The following AKAP3 variants were observed in gnomAD, a reference collection of about 807,000 sequenced individuals.
AKAP3 encodes A-kinase anchoring protein 3.
Under a neutral mutation model 57.2 loss-of-function variants are expected in AKAP3, and 27 were observed. The ratio of observed to expected loss-of-function variants is 0.47; its 90% CI spans 0.35 to 0.65. The LOEUF (loss-of-function observed/expected upper bound fraction) is 0.65. Ranked by LOEUF, AKAP3 falls within the 30% of genes least tolerant of loss-of-function variation. The pLI, the probability that AKAP3 is intolerant of heterozygous loss-of-function variation, is 0.01. For synonymous variants in AKAP3, 334 were observed against 392.3 expected (o/e 0.85, Z 1.76); for missense variants, 959 against 1,040.0 (o/e 0.92, Z 1.07).
intron 4 of AKAP3, chr12:4,635,508 T>C (rs1349758104): frequency 1.5e-6 from 1 of 676,876 alleles, no homozygotes. Flanking sequence ...GCTGATGTCT[T>C]CATGAATAAT....
At chr12:4,633,870 A>AATTCTT (rs1170777305) in intron 4 of AKAP3, among the ~76,000 whole-genome samples, 2 of 151,908 alleles carry the variant, frequency 1.3e-5, no homozygotes, top group Non-Finnish European at 2.9e-5. Context: ...TTAAACACCT[A>AATTCTT]TAGCAATTAT....
rs1945405748 is a variant in AKAP3, at chr12:4,625,827, G to A, written c.2406+669C>T. 6.6e-6 allele frequency among the ~76,000 whole-genome samples: 1 copy of A among 152,086 alleles called. No individual in the cohort carries two copies. The highest frequency in any genetic ancestry group is 2.4e-5 in the African/African-American group (1 of 41,412). On this transcript the variant is annotated intron_variant, in intron 5 of 5. Coordinates refer to ENST00000228850, the MANE Select transcript of AKAP3 (RefSeq NM_001278309.2). The surrounding 1 kb of genome is among the most constrained non-coding windows in gnomAD (Gnocchi z 5.4). Reference sequence around the variant, plus strand: ...CTGGGGTAAGTGTGCGTGTTCTCCAGACTCAAACCCTCCCTTTGGCGCGCA... The same window carrying A: ...CTGGGGTAAGTGTGCGTGTTCTCCAAACTCAAACCCTCCCTTTGGCGCGCA...
intron 1 of AKAP3, among the ~76,000 whole-genome samples, chr12:4,646,424 A>G (rs1421948195): frequency 6.6e-6 from 1 of 152,156 alleles, no homozygotes; most frequent in Non-Finnish European, 1.5e-5. Context: ...TAATGCCAGC[A>G]CTTTGGGAGG....
intron 5 of AKAP3, among the ~76,000 whole-genome samples, chr12:4,624,822 G>GTGTGTGTGTGTGTGTA (rs1467904888): frequency 7.3e-4 from 108 of 147,414 alleles, no homozygotes; most frequent in East Asian, 4.5e-3. Context: ...GTGTGTGTGT[G>GTGTGTGTGTGTGTGTA]TGTATATAAA....
intron 5 of AKAP3, among the ~76,000 whole-genome samples, chr12:4,623,595 G>A (rs1945370805): frequency 6.6e-6 from 1 of 152,100 alleles, no homozygotes; most frequent in East Asian, 1.9e-4. Flanking sequence ...GACACTTGAG[G>A]GTGAAGGGTG....
At chr12:4,639,652 C>T (rs902680678) in intron 3 of AKAP3, among the ~76,000 whole-genome samples, 4 of 151,506 alleles carry the variant, frequency 2.6e-5, no homozygotes, top group African/African-American at 9.7e-5. Flanking sequence ...GTTCAATTCC[C>T]ACCTATGAGT....
At position 4,648,941 on chromosome 12, in the gene AKAP3, A is replaced by C. The variant is rs182995836; in HGVS notation, c.-441T>G. On this transcript the variant is annotated 5_prime_UTR_variant, in exon 1 of 6. Coordinates refer to ENST00000228850, the MANE Select transcript of AKAP3 (RefSeq NM_001278309.2). ...TTCCAGATCTGAGATTCCAACAGCC[A>C]AAGTCTTTTCACTTCCTTTCTTCCC... 4 of 647,720 alleles carry C rather than the reference A, an allele frequency of 6.2e-6. No homozygotes were observed. The highest frequency in any genetic ancestry group is 1.1e-5 in the Non-Finnish European group (4 of 377,062). The allele number at this position is 647,720 out of a possible 1,614,324, so 40.1% of individuals were successfully genotyped here.
chr12:4,633,039 A>G (rs949175960), intron 4 of AKAP3, among the ~76,000 whole-genome samples: 29 of 152,022 alleles, frequency 1.9e-4, no homozygotes, highest in African/African-American at 7.0e-4. Context: ...GTGTGTTTCC[A>G]TACTATTGAG....
intron 4 of AKAP3, among the ~76,000 whole-genome samples, chr12:4,630,687 C>G (rs1429685360): frequency 6.6e-6 from 1 of 152,078 alleles, no homozygotes; most frequent in Non-Finnish European, 1.5e-5. Context: ...ATTCTCATTC[C>G]CTTGGAGCTA....
intron 5 of AKAP3, among the ~76,000 whole-genome samples, chr12:4,619,337 T>C (rs1945319686): frequency 6.6e-6 from 1 of 152,116 alleles, no homozygotes; most frequent in African/African-American, 2.4e-5. Flanking sequence ...GGTGTTCAGA[T>C]CACTTGAGCC....
rs917225168 is a variant in AKAP3, at chr12:4,627,623, C to G, written c.1279G>C (p.Glu427Gln). The G allele has an allele frequency of 1.2e-6, 2 of 1,614,072 alleles. No individual in the cohort carries two copies. The highest frequency in any genetic ancestry group is 3.3e-5 in the Admixed American group (2 of 60,026). Residue 427 changes from glutamate to glutamine, a missense_variant, in exon 5 of 6, where the codon GAA becomes CAA. Coordinates refer to ENST00000228850, the MANE Select transcript of AKAP3 (RefSeq NM_001278309.2). ...NRNVNFAMKS[E>Q]TKLREKMYSE... is the part of the protein sequence containing the mutation. ...TACATTTTTTCTCTCAATTTAGTTT[C>G]AGATTTCATGGCAAAGTTCACATTT...
In AKAP3 at chr12:4,627,371, C is replaced by T. The variant is rs770962130; in HGVS notation, c.1531G>A (p.Glu511Lys). 1 of 1,614,046 alleles carries T rather than the reference C, an allele frequency of 6.2e-7. No individual in the cohort carries two copies. Among genetic ancestry groups the T allele is most frequent in the South Asian group, 1.1e-5 (1 of 91,076 alleles). ...TCATACATAAAATTCTCAGGTTTCT[C>T]TGGAGGATATGGAGGAAGGCTGAGG... ...GNLSLPPYPPEKPENFMYDSD... is the reference protein window; with the variant it reads ...GNLSLPPYPPKKPENFMYDSD... Residue 511 changes from glutamate to lysine, a missense_variant, in exon 5 of 6, where the codon GAG (glutamate) becomes AAG (lysine). Transcript: ENST00000228850.
Position 4,626,649 on chromosome 12 carries a change from C to G in AKAP3, c.2253G>C (p.Gly751=), listed in dbSNP as rs779141768. The G allele has an allele frequency of 1.2e-6, 2 of 1,614,230 alleles. No homozygotes were observed. Among genetic ancestry groups the G allele is most frequent in the Non-Finnish European group, 8.5e-7 (1 of 1,180,042 alleles). ...TGACAATCACCGTGGGTGCTGCACACCCTTCAGGGGGCTGTCCTGATGTGC... is the reference window on the plus strand; with the variant it reads ...TGACAATCACCGTGGGTGCTGCACAGCCTTCAGGGGGCTGTCCTGATGTGC... ...MRGTSGQPPE[G]CAAPTVIVSN... The change falls in exon 5 of 6, where the codon GGG becomes GGC. Residue 751 remains glycine, a synonymous_variant. Coordinates refer to ENST00000228850, the MANE Select transcript of AKAP3 (RefSeq NM_001278309.2).
chr12:4,633,094 T>A (rs1591530701), intron 4 of AKAP3, among the ~76,000 whole-genome samples: 1 of 150,916 alleles, frequency 6.6e-6, no homozygotes, highest in South Asian at 2.1e-4. Flanking sequence ...GCTGTGGAGT[T>A]TATTCTTTTA....
chr12:4,628,023 T>A lies in AKAP3; in HGVS notation c.879A>T (p.Val293=), dbSNP rs1336161479. The A allele has an allele frequency of 2.5e-6, 4 of 1,614,118 alleles. No homozygotes were observed. The East Asian group carries it at 6.7e-5, about 27-fold the overall frequency. ...EGIMTYANSV[V]SDMMVSIMKT... is the part of the protein sequence containing the mutation. The stretch of plus-strand genomic sequence containing the variant: ...TCATGATGGAGACCATCATATCAGA[T>A]ACCACACTGTTAGCATAGGTCATGA... The change falls in exon 5 of 6, where the codon GTA becomes GTT. Residue 293 remains valine, a synonymous_variant. Transcript: ENST00000228850.
In AKAP3 at chr12:4,627,917, C is replaced by G; in HGVS notation, c.985G>C (p.Val329Leu). The G allele has an allele frequency of 3.7e-6, 6 of 1,614,084 alleles. No individual in the cohort carries two copies. Among genetic ancestry groups the G allele is most frequent in the Non-Finnish European group, 5.1e-6 (6 of 1,180,016 alleles). Residue 329 changes from valine (V) to leucine (L), a missense_variant, in exon 5 of 6, where the codon GTG becomes CTG. Val to Leu is a conservative substitution (Grantham distance 32, BLOSUM62 1). Transcript: ENST00000228850. ...AAGGAGTCGATGAGATCCGAGACCA[C>G]CTCTTTTGCATGCTTGAGCAGAACC... ...KKVLLKHAKEVVSDLIDSFLR... is the reference protein window; with the variant it reads ...KKVLLKHAKELVSDLIDSFLR...
chr12:4,621,551 T>G (rs1945348066), intron 5 of AKAP3, among the ~76,000 whole-genome samples: 1 of 152,232 alleles, frequency 6.6e-6, no homozygotes. Flanking sequence ...GTGTTATAAT[T>G]GCTTACAGTA....
intron 4 of AKAP3, among the ~76,000 whole-genome samples, chr12:4,634,092 A>C (rs1945535221): frequency 6.6e-6 from 1 of 152,020 alleles, no homozygotes; most frequent in South Asian, 2.1e-4. Context: ...AGTTCTCCTA[A>C]CAGTCCAACA....
At chr12:4,644,284 C>T (rs959087209) in intron 2 of AKAP3, among the ~76,000 whole-genome samples, 1 of 152,072 alleles carries the variant, frequency 6.6e-6, no homozygotes, top group African/African-American at 2.4e-5. Flanking sequence ...GTTGTCTAAC[C>T]AAGACTTCAG....
Sources: gnomAD v4.1 joint callset for allele counts (sites outside exome capture counted in the v4.1 genomes callset) on GRCh38, gnomAD v4.1.1 for gene constraint, Gnocchi (gnomAD v3.1) non-coding constraint, MANE v1.5 for transcripts, NCBI Gene and HGNC (gene_info 2026-07-23, HGNC 2026-07-21) for gene names.